Variants in SEL1L3 observed in about 807,000 individuals in gnomAD.
The protein encoded by SEL1L3 is SEL1L family member 3.
In SEL1L3, 76 loss-of-function variants were observed where a neutral mutation model predicts 142.8. The observed-to-expected ratio is 0.53, with a 90% confidence interval of 0.44 to 0.64. The LOEUF (loss-of-function observed/expected upper bound fraction) is 0.64. Ranked by LOEUF, SEL1L3 falls within the 30% of genes least tolerant of loss-of-function variation. The pLI is 0.00. For missense variants in SEL1L3, 1,262 were observed against 1,381.7 expected (o/e 0.91, Z 1.37); for synonymous variants, 504 against 519.6 (o/e 0.97, Z 0.41).
At chr4:25,782,197 T>C in intron 15 of SEL1L3, 45 bp downstream of exon 15, 1 of 1,559,956 alleles carries the variant, frequency 6.4e-7, no homozygotes, top group Non-Finnish European at 8.8e-7. Flanking sequence ...TGCTTCATGA[T>C]CAAGTGACTG....
intron 16 of SEL1L3, among the ~76,000 whole-genome samples, chr4:25,778,762 G>C (rs1383404103): frequency 6.6e-6 from 1 of 151,938 alleles, no homozygotes; most frequent in African/African-American, 2.4e-5. Context: ...TTTAGAAATA[G>C]AGACAAATAA....
chr4:25,757,393 C>G, intron 23 of SEL1L3, 141 bp downstream of exon 23: 1 of 679,450 alleles, frequency 1.5e-6, no homozygotes. Context: ...TGAAGACCAC[C>G]CTAGGGATAG....
chr4:25,765,020 G>T (rs1718617319), intron 20 of SEL1L3, among the ~76,000 whole-genome samples: 1 of 152,016 alleles, frequency 6.6e-6, no homozygotes, highest in African/African-American at 2.4e-5. Flanking sequence ...TCTGAGACAG[G>T]GTCTTGCTCT....
intron 11 of SEL1L3, among the ~76,000 whole-genome samples, chr4:25,801,641 T>C (rs1713191121): frequency 6.6e-6 from 1 of 152,146 alleles, no homozygotes; most frequent in Non-Finnish European, 1.5e-5. Flanking sequence ...ATCAATAATA[T>C]CTGGGAGCCT....
chr4:25,775,145 C>T (rs1719523679), intron 17 of SEL1L3, among the ~76,000 whole-genome samples: 1 of 152,060 alleles, frequency 6.6e-6, no homozygotes, highest in South Asian at 2.1e-4. Flanking sequence ...CAAGATAAAG[C>T]ATCACAAAAA....
intron 9 of SEL1L3, among the ~76,000 whole-genome samples, chr4:25,812,675 G>A (rs926004736): frequency 3.4e-5 from 5 of 146,834 alleles, no homozygotes; most frequent in Non-Finnish European, 7.4e-5. Flanking sequence ...TCATGCCACT[G>A]CACTCTAGCT....
At chr4:25,759,177 T>G in intron 20 of SEL1L3, 109 bp from the exon 21 acceptor site, 2 of 1,154,780 alleles carry the variant, frequency 1.7e-6, no homozygotes, top group Non-Finnish European at 2.4e-6. Flanking sequence ...TTTTTAAGTC[T>G]CTAGAGCCAG....
At chr4:25,861,600 G>A (rs1331254383) in intron 1 of SEL1L3, among the ~76,000 whole-genome samples, 1 of 149,610 alleles carries the variant, frequency 6.7e-6, no homozygotes, top group African/African-American at 2.5e-5. Context: ...TGCCACATAA[G>A]TGAAATGAAT....
downstream of SEL1L3, among the ~76,000 whole-genome samples, chr4:25,746,434 A>T (rs1444522139): frequency 1.4e-5 from 2 of 147,402 alleles, no homozygotes; most frequent in South Asian, 4.3e-4. Context: ...ACCAGAACCT[A>T]GGAGGGGGAG....
chr4:25,800,867 A>G (rs16877567), intron 11 of SEL1L3, among the ~76,000 whole-genome samples: 9,642 of 152,266 alleles, frequency 0.063, 1,041 homozygotes, highest in African/African-American at 0.22. Flanking sequence ...TACTGACAGC[A>G]TATCTTCAAG....
chr4:25,751,625 A>G (rs60146230), intron 23 of SEL1L3, among the ~76,000 whole-genome samples: 8,342 of 150,972 alleles, frequency 0.055, 257 homozygotes, highest in East Asian at 0.096. Flanking sequence ...TGAAGGAAAG[A>G]ATACATATAT....
intron 1 of SEL1L3, among the ~76,000 whole-genome samples, chr4:25,858,318 T>C (rs966070058): frequency 3.3e-5 from 5 of 152,244 alleles, no homozygotes; most frequent in Admixed American, 2.6e-4. Context: ...GGATGATCTC[T>C]ATTTTCAAAT....
Position 25,819,971 on chromosome 4 carries a change from A to G in SEL1L3, c.1291-31T>C, listed in dbSNP as rs199968825. The G allele has an allele frequency of 3.8e-6, 6 of 1,596,168 alleles. No individual in the cohort carries two copies. The South Asian group carries it at 6.8e-5, about 18-fold the overall frequency. Reference sequence around the variant, plus strand: ...AGAAGGCAAGAAAGTCAAATGAACAACAATTGTCATCAAATATCCATCCAC... The same window carrying G: ...AGAAGGCAAGAAAGTCAAATGAACAGCAATTGTCATCAAATATCCATCCAC... On this transcript the variant is annotated intron_variant, in intron 7 of 23. Transcript: ENST00000399878.
intron 13 of SEL1L3, among the ~76,000 whole-genome samples, chr4:25,787,019 C>T (rs569592825): frequency 1.7e-4 from 26 of 152,168 alleles, no homozygotes; most frequent in African/African-American, 3.4e-4. Flanking sequence ...CATAAGTCCA[C>T]GAATTTCCTT....
intron 10 of SEL1L3, among the ~76,000 whole-genome samples, chr4:25,804,109 G>A (rs933766691): frequency 3.9e-5 from 6 of 152,312 alleles, no homozygotes; most frequent in South Asian, 2.1e-4. Context: ...AAATGAAGCC[G>A]TCTGGTATGG....
downstream of SEL1L3, among the ~76,000 whole-genome samples, chr4:25,746,507 A>AATAAATATATATATATATAT (rs1717265391): frequency 2.0e-5 from 2 of 101,546 alleles, no homozygotes; most frequent in African/African-American, 8.2e-5. Flanking sequence ...ATATTATCTA[A>AATAAATATATATATATATAT]ATATATATAT....
intron 23 of SEL1L3, among the ~76,000 whole-genome samples, chr4:25,750,166 C>T (rs947447353): frequency 1.4e-5 from 2 of 148,020 alleles, no homozygotes; most frequent in Non-Finnish European, 3.0e-5. Context: ...CCTGGGAGGC[C>T]GGAGGTTGTG....
chr4:25,824,071 C>T (rs1048789195), intron 6 of SEL1L3, among the ~76,000 whole-genome samples: 1 of 152,168 alleles, frequency 6.6e-6, no homozygotes, highest in Non-Finnish European at 1.5e-5. Context: ...TTTTTCTTTT[C>T]AGAATCTCAG....
chr4:25,752,418 G>GAAA (rs76936235), intron 23 of SEL1L3, among the ~76,000 whole-genome samples: 65 of 98,846 alleles, frequency 6.6e-4, no homozygotes, highest in South Asian at 1.4e-3. Flanking sequence ...CTCCATCTCC[G>GAAA]AAAAAAAAAA....
Sources: allele counts gnomAD v4.1 joint callset (sites outside exome capture counted in the v4.1 genomes callset), GRCh38; gene constraint gnomAD v4.1.1; transcripts MANE v1.5; gene names NCBI Gene and HGNC (gene_info 2026-07-23, HGNC 2026-07-21).